The following SPOCK1 variants were observed in gnomAD, a reference collection of about 807,000 sequenced individuals.
SPOCK1 encodes the protein SPARC (osteonectin), cwcv and kazal like domains proteoglycan 1, also known as testican-1.
SPOCK1 carries 23 observed loss-of-function variants against 55.3 expected under a neutral mutation model. The observed-to-expected ratio is 0.42, with a 90% confidence interval of 0.30 to 0.59. SPOCK1 has a LOEUF of 0.59. SPOCK1 is among the 20% of genes least tolerant of loss of function. SPOCK1 has a pLI of 0.22. For synonymous variants in SPOCK1, 226 were observed against 221.0 expected (o/e 1.02, Z -0.20); for missense variants, 499 against 552.5 (o/e 0.90, Z 0.97).
intron 3 of SPOCK1, among the ~76,000 whole-genome samples, chr5:137,177,393 A>C (rs1300275345): frequency 6.6e-6 from 1 of 152,156 alleles, no homozygotes; most frequent in African/African-American, 2.4e-5. Flanking sequence ...AGGCCCCTTC[A>C]CTTAGAAAAC....
chr5:137,375,961 G>A (rs771572675), intron 2 of SPOCK1, among the ~76,000 whole-genome samples: 9 of 152,144 alleles, frequency 5.9e-5, no homozygotes, highest in Non-Finnish European at 7.4e-5. Flanking sequence ...CTTCCTCTGC[G>A]CCTAGGAGCA....
At chr5:137,050,435 C>G (rs6892896) in intron 6 of SPOCK1, among the ~76,000 whole-genome samples, 2,027 of 149,412 alleles carry the variant, frequency 0.014, 38 homozygotes, top group South Asian at 0.065. Flanking sequence ...TTCTTTGACT[C>G]GGAAAGGGAA....
At chr5:137,266,578 C>A (rs975204550) in intron 3 of SPOCK1, among the ~76,000 whole-genome samples, 1 of 152,118 alleles carries the variant, frequency 6.6e-6, no homozygotes. Flanking sequence ...CAAATAAAAT[C>A]GCAGTACCCT....
At chr5:137,394,849 C>T (rs1751807362) in intron 2 of SPOCK1, among the ~76,000 whole-genome samples, 1 of 152,178 alleles carries the variant, frequency 6.6e-6, no homozygotes, top group Admixed American at 6.5e-5. Flanking sequence ...TAACCCAAGA[C>T]CCATGGATGG....
chr5:137,320,314 CAA>C (rs2127146453), intron 2 of SPOCK1, among the ~76,000 whole-genome samples: 1 of 152,264 alleles, frequency 6.6e-6, no homozygotes, highest in South Asian at 2.1e-4. Flanking sequence ...CCACAGAGAA[CAA>C]AAGAGAGCTC....
intron 3 of SPOCK1, among the ~76,000 whole-genome samples, chr5:137,207,226 C>A (rs745678753): frequency 6.6e-6 from 1 of 152,214 alleles, no homozygotes; most frequent in Non-Finnish European, 1.5e-5. Flanking sequence ...ACTGCTATCA[C>A]TCTGCCAAGG....
intron 5 of SPOCK1, among the ~76,000 whole-genome samples, chr5:137,090,801 AGCAAGGG>A (rs1351312968): frequency 1.3e-5 from 2 of 152,252 alleles, no homozygotes; most frequent in East Asian, 1.9e-4. Flanking sequence ...GGGTTTTTCA[AGCAAGGG>A]GCTTTGACAA....
chr5:137,434,600 C>CGCCA (rs1159099004), intron 2 of SPOCK1, among the ~76,000 whole-genome samples: 10 of 147,758 alleles, frequency 6.8e-5, no homozygotes, highest in African/African-American at 2.2e-4. Flanking sequence ...CCTGGGTTCA[C>CGCCA]GTCATTCTCC....
intron 4 of SPOCK1, among the ~76,000 whole-genome samples, chr5:137,126,058 G>A (rs766705511): frequency 1.4e-4 from 22 of 152,210 alleles, no homozygotes; most frequent in Admixed American, 1.2e-3. Context: ...GTTGCAGGTG[G>A]AGCCTAATGT....
chr5:137,313,799 T>C (rs1285394532), intron 2 of SPOCK1, among the ~76,000 whole-genome samples: 1 of 151,188 alleles, frequency 6.6e-6, no homozygotes, highest in East Asian at 2.0e-4. Flanking sequence ...AGGAACCATT[T>C]TCCTACCTAG....
At chr5:137,434,371 C>CTAT in intron 2 of SPOCK1, among the ~76,000 whole-genome samples, 1 of 151,774 alleles carries the variant, frequency 6.6e-6, no homozygotes, top group East Asian at 1.9e-4. Flanking sequence ...GACTCTCCTA[C>CTAT]TATTACCTTT....
intron 6 of SPOCK1, among the ~76,000 whole-genome samples, chr5:137,006,675 T>C (rs1282789487): frequency 2.6e-5 from 4 of 152,166 alleles, no homozygotes; most frequent in African/African-American, 9.7e-5. Context: ...TCTTCCTATT[T>C]GAATACCTTT....
At position 137,340,903 on chromosome 5, in the gene SPOCK1, A is replaced by T. The variant is rs574003183; in HGVS notation, c.187-73848T>A. Among the ~76,000 whole-genome samples, 15 of 151,770 alleles carry T rather than the reference A, an allele frequency of 9.9e-5. No individual in the cohort carries two copies. The East Asian group carries it at 2.7e-3, about 27-fold the overall frequency. On this transcript the variant is annotated intron_variant, in intron 2 of 10. Coordinates refer to ENST00000394945, the MANE Select transcript of SPOCK1 (RefSeq NM_004598.4). ...CTCAAAAAAAAAAAAAAAAGGAAGA[A>T]GATTGAGGCCCACAGTGGCTGTCTG...
intron 6 of SPOCK1, among the ~76,000 whole-genome samples, chr5:137,013,654 T>C (rs767586051): frequency 1.6e-4 from 25 of 152,316 alleles, no homozygotes; most frequent in South Asian, 4.1e-4. Flanking sequence ...CCTGTAAAAC[T>C]AATGAATTTT....
At chr5:137,012,654 T>C (rs944831882) in intron 6 of SPOCK1, among the ~76,000 whole-genome samples, 4 of 152,190 alleles carry the variant, frequency 2.6e-5, no homozygotes, top group Non-Finnish European at 5.9e-5. Context: ...AATCTAATAA[T>C]TAGAGGCATG....
rs56328555 is a variant in SPOCK1 at position 137,233,713 on chromosome 5, C to CTTTTTTTTTTTTTTTTTTTTTTTT, written c.232+33273_232+33296dup. Among the ~76,000 whole-genome samples the CTTTTTTTTTTTTTTTTTTTTTTTT allele has an allele frequency of 8.0e-4, 47 of 58,428 alleles. 1 individual carries two copies. The highest frequency in any genetic ancestry group is 1.7e-3 in the African/African-American group (19 of 11,038). 38.3% of individuals were successfully genotyped at this position (58,428 alleles called of 152,430 possible). A position where few individuals can be genotyped will look rare whatever the true frequency, so the allele number is the denominator to read the frequency against. Reference sequence around the variant, plus strand: ...TTCATTGTTAGTATGAGGATATGCACTTTTTTTTTTTTTTTTTTTTTTTTT... The same window carrying CTTTTTTTTTTTTTTTTTTTTTTTT: ...TTCATTGTTAGTATGAGGATATGCACTTTTTTTTTTTTTTTTTTTTTTTTTTTTTTTTTTTTTTTTTTTTTTTTT... On this transcript the variant is annotated intron_variant, in intron 3 of 10. Coordinates refer to ENST00000394945, the MANE Select transcript of SPOCK1 (RefSeq NM_004598.4).
At chr5:137,008,049 A>G (rs1751283587) in intron 6 of SPOCK1, among the ~76,000 whole-genome samples, 1 of 151,702 alleles carries the variant, frequency 6.6e-6, no homozygotes, top group South Asian at 2.1e-4. Context: ...ACAGAAAACC[A>G]AACACCGTAT....
At position 137,141,747 on chromosome 5, in the gene SPOCK1, C is replaced by G. The variant is rs140520046; in HGVS notation, c.233-1053G>C. Among the ~76,000 whole-genome samples the G allele has an allele frequency of 8.3e-3, 1,264 of 152,206 alleles. 12 individuals are homozygous for G. Among genetic ancestry groups the G allele is most frequent in the Middle Eastern group, 0.034 (10 of 294 alleles). On this transcript the variant is annotated intron_variant, in intron 3 of 10. Transcript: ENST00000394945. ...GCAATCCAGTCAGAGTGAACCGGCA[C>G]AGAGAGTGTAGGGAGGCATGTTCAG...
At chr5:136,987,248 T>C (rs553248549) in intron 8 of SPOCK1, among the ~76,000 whole-genome samples, 1 of 152,098 alleles carries the variant, frequency 6.6e-6, no homozygotes, top group African/African-American at 2.4e-5. Flanking sequence ...TCTTAAAATT[T>C]CTCCCTAACA....
Sources: gnomAD v4.1 joint callset for allele counts (sites outside exome capture counted in the v4.1 genomes callset) on GRCh38, gnomAD v4.1.1 for gene constraint, MANE v1.5 for transcripts, NCBI Gene and HGNC (gene_info 2026-07-23, HGNC 2026-07-21) for gene names.